Variants in MTHFD2L observed in about 807,000 individuals in gnomAD.
MTHFD2L encodes the protein methylenetetrahydrofolate dehydrogenase (NADP+ dependent) 2 like.
MTHFD2L carries 29 observed loss-of-function variants against 34.9 expected under a neutral mutation model. The ratio of observed to expected loss-of-function variants is 0.83; its 90% CI spans 0.62 to 1.13. The LOEUF is 1.13. MTHFD2L is among the 50% of genes most tolerant of loss of function. The pLI, the probability that MTHFD2L is intolerant of heterozygous loss-of-function variation, is 0.00. For missense variants in MTHFD2L, 481 were observed against 446.5 expected (o/e 1.08, Z -0.70); for synonymous variants, 167 against 155.7 (o/e 1.07, Z -0.54).
chr4:74,200,947 T>A (rs1195676224), intron 4 of MTHFD2L, among the ~76,000 whole-genome samples: 4 of 152,216 alleles, frequency 2.6e-5, no homozygotes, highest in Admixed American at 6.5e-5. Flanking sequence ...CTTTGCTTTT[T>A]TTATAAGCAG....
chr4:74,206,233 A>T (rs1735287261), intron 5 of MTHFD2L, among the ~76,000 whole-genome samples: 1 of 151,932 alleles, frequency 6.6e-6, no homozygotes, highest in Non-Finnish European at 1.5e-5. Flanking sequence ...AAAAGGGAAA[A>T]CTTGATAAAG....
rs34300013 is a variant in MTHFD2L, at chr4:74,255,136, CAAAAAAAA to C, written c.806-26271_806-26264del. 8.6e-3 allele frequency among the ~76,000 whole-genome samples: 599 copies of C among 69,268 alleles called. 4 individuals are homozygous for C. The highest frequency in any genetic ancestry group is 0.042 in the Middle Eastern group (3 of 72). 45.4% of individuals were successfully genotyped at this position (69,268 alleles called of 152,430 possible). A position where few individuals can be genotyped will look rare whatever the true frequency, so the allele number is the denominator to read the frequency against. ...GGCAAAAAGAGCGAGACTCCATCTC[CAAAAAAAA>C]AAAAAAAAAAAAAAAAAGAATTAGT... On this transcript the variant is annotated intron_variant, in intron 6 of 7. Coordinates refer to ENST00000325278, the MANE Select transcript of MTHFD2L (RefSeq NM_001144978.3).
intron 6 of MTHFD2L, among the ~76,000 whole-genome samples, chr4:74,248,347 T>A (rs890980832): frequency 6.6e-6 from 1 of 152,262 alleles, no homozygotes; most frequent in African/African-American, 2.4e-5. Context: ...CATTTTTTAT[T>A]GCGTCTATTT....
At chr4:74,295,220 A>C (rs1239800072) in intron 7 of MTHFD2L, among the ~76,000 whole-genome samples, 1 of 151,972 alleles carries the variant, frequency 6.6e-6, no homozygotes, top group Non-Finnish European at 1.5e-5. Flanking sequence ...CGCTGTTTTC[A>C]TCATGTGCTT....
At chr4:74,212,131 A>AG (rs956147728) in intron 5 of MTHFD2L, among the ~76,000 whole-genome samples, 12 of 151,982 alleles carry the variant, frequency 7.9e-5, no homozygotes, top group African/African-American at 2.9e-4. Context: ...CTTAAAAAAA[A>AG]TAGCATTTTT....
At chr4:74,208,192 A>G (rs972231552) in intron 5 of MTHFD2L, among the ~76,000 whole-genome samples, 1 of 152,222 alleles carries the variant, frequency 6.6e-6, no homozygotes, top group African/African-American at 2.4e-5. Flanking sequence ...TTACTGAATT[A>G]CATATTTGAA....
At chr4:74,183,573 AC>A (rs970054824) in intron 3 of MTHFD2L, 1 of 152,116 alleles carries the variant, frequency 6.6e-6, no homozygotes, top group Non-Finnish European at 1.5e-5. Flanking sequence ...GATTGCTTGG[AC>A]CTGGGAAGTG....
chr4:74,293,040 T>C (rs1749157367), intron 7 of MTHFD2L, among the ~76,000 whole-genome samples: 1 of 152,060 alleles, frequency 6.6e-6, no homozygotes, highest in African/African-American at 2.4e-5. Context: ...TTATGGTTTT[T>C]TGAATAGGTT....
chr4:74,294,535 T>C (rs1449526191), intron 7 of MTHFD2L, among the ~76,000 whole-genome samples: 2 of 152,082 alleles, frequency 1.3e-5, no homozygotes, highest in African/African-American at 4.8e-5. Context: ...CTTACTTAAG[T>C]TTTTAAAGGG....
intron 1 of MTHFD2L, among the ~76,000 whole-genome samples, chr4:74,127,216 G>A (rs1193519163): frequency 6.6e-6 from 1 of 152,046 alleles, no homozygotes; most frequent in African/African-American, 2.4e-5. Flanking sequence ...ATCAAATCAG[G>A]GTAATTGGGA....
Position 74,136,753 on chromosome 4 carries a change from A to G in MTHFD2L, c.-297+11236A>G, listed in dbSNP as rs1281232348. On this transcript the variant is annotated intron_variant, in intron 1 of 7. Transcript: ENST00000433372. Reference sequence around the variant, plus strand: ...ACAAAGCTATAGTAACCAAAACAGTATGGTACTGGCATAAAAACAGACAGA... The same window carrying G: ...ACAAAGCTATAGTAACCAAAACAGTGTGGTACTGGCATAAAAACAGACAGA... Among the ~76,000 whole-genome samples, 5 of 152,296 alleles carry G rather than the reference A, an allele frequency of 3.3e-5. No individual in the cohort carries two copies. The East Asian group carries it at 9.6e-4, about 29-fold the overall frequency.
At chr4:74,123,613 C>G (rs1721868775), upstream of MTHFD2L, among the ~76,000 whole-genome samples, 1 of 152,046 alleles carries the variant, frequency 6.6e-6, no homozygotes. Context: ...TTGTGGGACT[C>G]TTCAGCCATC....
chr4:74,220,781 T>C (rs1738036971), intron 5 of MTHFD2L, among the ~76,000 whole-genome samples: 1 of 151,516 alleles, frequency 6.6e-6, no homozygotes, highest in Admixed American at 6.6e-5. Flanking sequence ...TTTACTTGAT[T>C]AATTTATTGA....
At chr4:74,278,934 G>T (rs570720670) in intron 6 of MTHFD2L, among the ~76,000 whole-genome samples, 6 of 152,176 alleles carry the variant, frequency 3.9e-5, no homozygotes, top group African/African-American at 1.4e-4. Flanking sequence ...CCTTACAAAT[G>T]CATTGGTCGA....
upstream of MTHFD2L, among the ~76,000 whole-genome samples, chr4:74,156,226 A>G (rs546046512): frequency 3.2e-4 from 49 of 152,278 alleles, no homozygotes; most frequent in Middle Eastern, 3.4e-3. Context: ...TGTGCTACAC[A>G]CTATTCAAAC....
At chr4:74,210,836 A>G (rs1216580431) in intron 5 of MTHFD2L, among the ~76,000 whole-genome samples, 1 of 152,006 alleles carries the variant, frequency 6.6e-6, no homozygotes, top group Non-Finnish European at 1.5e-5. Flanking sequence ...ATATTTTTCC[A>G]TTTGTTTGTG....
chr4:74,219,910 T>C (rs751194208), intron 5 of MTHFD2L, among the ~76,000 whole-genome samples: 9 of 152,090 alleles, frequency 5.9e-5, no homozygotes, highest in Non-Finnish European at 1.0e-4. Flanking sequence ...GGAGTGAAAT[T>C]ACCTACAAGG....
At chr4:74,143,310 A>G (rs1453519867) in intron 1 of MTHFD2L, 1 of 574,458 alleles carries the variant, frequency 1.7e-6, no homozygotes, top group Non-Finnish European at 2.2e-6. Flanking sequence ...TGTAGAATGG[A>G]GTTTTCATAT....
At chr4:74,236,712 T>C (rs1471551510) in intron 6 of MTHFD2L, among the ~76,000 whole-genome samples, 1 of 152,262 alleles carries the variant, frequency 6.6e-6, no homozygotes, top group Non-Finnish European at 1.5e-5. Context: ...AACGCACATA[T>C]ATTTTTCCTA....
Sources: gnomAD v4.1 joint callset for allele counts (sites outside exome capture counted in the v4.1 genomes callset) on GRCh38, gnomAD v4.1.1 for gene constraint, MANE v1.5 for transcripts, NCBI Gene and HGNC (gene_info 2026-07-23, HGNC 2026-07-21) for gene names.